LARP4B: variants seen among roughly 807,000 people sequenced by gnomAD.
LARP4B encodes La ribonucleoprotein 4B.
Under a neutral mutation model 89.8 loss-of-function variants are expected in LARP4B, and 12 were observed. The observed-to-expected ratio is 0.13, with a 90% confidence interval of 0.09 to 0.22. The LOEUF is 0.22. Among genes scored for constraint, LARP4B ranks in the 10% least tolerant of loss-of-function variants. The pLI is 1.00. For synonymous variants in LARP4B, 367 were observed against 363.3 expected (o/e 1.01, Z -0.12); for missense variants, 757 against 947.7 (o/e 0.80, Z 2.64).
Position 884,517 on chromosome 10 carries a change from G to C in LARP4B, c.82-11C>G. On this transcript the variant is annotated splice_polypyrimidine_tract_variant and intron_variant, in intron 2 of 17. Transcript: ENST00000316157. Reference sequence around the variant, plus strand: ...TATAGGACCATTCATCTGTAAAATTGAAAACAAAGACAACATCAGTACAAT... The same window carrying C: ...TATAGGACCATTCATCTGTAAAATTCAAAACAAAGACAACATCAGTACAAT... 1 of 1,571,492 alleles carries C rather than the reference G, an allele frequency of 6.4e-7. No individual in the cohort carries two copies. The highest frequency in any genetic ancestry group is 8.8e-7 in the Non-Finnish European group (1 of 1,142,132).
At chr10:896,966 C>A (rs1468301454) in intron 1 of LARP4B, among the ~76,000 whole-genome samples, 1 of 148,914 alleles carries the variant, frequency 6.7e-6, no homozygotes, top group Non-Finnish European at 1.5e-5. Context: ...TAATCCCTAT[C>A]AAAATTCACT....
In LARP4B at chr10:830,992, G is replaced by T; in HGVS notation, c.751-15C>A. The T allele has an allele frequency of 1.0e-6, 1 of 960,422 alleles. No homozygotes were observed. Among genetic ancestry groups the T allele is most frequent in the Non-Finnish European group, 1.6e-6 (1 of 619,226 alleles). The allele number at this position is 960,422 out of a possible 1,614,324, so 59.5% of individuals were successfully genotyped here. ...GCTTCTACTTCCTACAGGAAATAGA[G>T]ATGTTAGAAATTAATTCTCAACAAT... On this transcript the variant is annotated splice_polypyrimidine_tract_variant and intron_variant, in intron 8 of 17. Coordinates refer to ENST00000316157, the MANE Select transcript of LARP4B (RefSeq NM_015155.3).
At chr10:909,477 CTTACAAAAGTACTTT>C (rs1384270517) in intron 1 of LARP4B, among the ~76,000 whole-genome samples, 5 of 151,948 alleles carry the variant, frequency 3.3e-5, no homozygotes, top group South Asian at 2.1e-4. Flanking sequence ...AAAATTGTTA[CTTACAAAAGTACTTT>C]TTACAAAAGA....
intron 1 of LARP4B, among the ~76,000 whole-genome samples, chr10:897,950 TGCAC>T (rs1836235177): frequency 7.8e-6 from 1 of 127,670 alleles, no homozygotes; most frequent in South Asian, 2.4e-4. Flanking sequence ...ATCACGCCAC[TGCAC>T]TCCAGCCTGG....
intron 5 of LARP4B, among the ~76,000 whole-genome samples, chr10:863,516 C>A (rs898211812): frequency 4.6e-5 from 7 of 152,132 alleles, no homozygotes; most frequent in South Asian, 4.1e-4. Context: ...GGCGTGAGCC[C>A]CCGCGCCCGG....
intron 8 of LARP4B, among the ~76,000 whole-genome samples, chr10:831,433 G>A (rs542033627): frequency 2.3e-4 from 35 of 152,340 alleles, no homozygotes; most frequent in Admixed American, 1.4e-3. Flanking sequence ...CTGAACCCCA[G>A]CGTGAACACG....
chr10:901,345 G>T (rs1836339052), intron 1 of LARP4B, among the ~76,000 whole-genome samples: 1 of 152,204 alleles, frequency 6.6e-6, no homozygotes, highest in Non-Finnish European at 1.5e-5. Context: ...TTAGTTGGAT[G>T]ATATGGTTTA....
At chr10:813,367 A>G (rs1257326795) in intron 17 of LARP4B, among the ~76,000 whole-genome samples, 154 bp from the exon 18 acceptor site, 1 of 152,264 alleles carries the variant, frequency 6.6e-6, no homozygotes, top group Non-Finnish European at 1.5e-5. Flanking sequence ...ATAAAATCTA[A>G]TGATTTAGTT....
chr10:907,176 T>C (rs1239830840), intron 1 of LARP4B, among the ~76,000 whole-genome samples: 1 of 152,236 alleles, frequency 6.6e-6, no homozygotes, highest in Non-Finnish European at 1.5e-5. Context: ...GTCAGAAATA[T>C]GTCTACCCTG....
chr10:917,362 A>G (rs1836849557), intron 1 of LARP4B, among the ~76,000 whole-genome samples: 2 of 152,136 alleles, frequency 1.3e-5, no homozygotes. Context: ...ATTCATGAGT[A>G]CTCTTATTTT....
At chr10:986,351 AC>A in the LARP4B span, 1 of 152,244 alleles carries the variant, frequency 6.6e-6, no homozygotes, top group Non-Finnish European at 1.5e-5. Context: ...GCAGTCAGGA[AC>A]TGGCAATGTG....
At chr10:969,146 G>C in the LARP4B span, among the ~76,000 whole-genome samples, 1 of 152,176 alleles carries the variant, frequency 6.6e-6, no homozygotes. Context: ...GGATTGGATA[G>C]GATTTCAGGC....
Position 931,522 on chromosome 10 carries a change from G to T in LARP4B, c.-134C>A. On this transcript the variant is annotated 5_prime_UTR_variant, in exon 1 of 18. Transcript: ENST00000316157. The stretch of plus-strand genomic sequence containing the variant: ...CCGCGCCACACGCGGGGACGGCGAG[G>T]AGAGAGACGGCAGGGAGAGGCGGCG... 1 of 150,234 alleles carries T rather than the reference G, an allele frequency of 6.7e-6. No homozygotes were observed. Among genetic ancestry groups the T allele is most frequent in the South Asian group, 1.8e-4 (1 of 5,620 alleles). 9.3% of individuals were successfully genotyped at this position (150,234 alleles called of 1,614,324 possible).
At chr10:916,735 T>A (rs924968733) in intron 1 of LARP4B, among the ~76,000 whole-genome samples, 2 of 152,222 alleles carry the variant, frequency 1.3e-5, no homozygotes, top group African/African-American at 4.8e-5. Context: ...TCTTGCTCTG[T>A]TGTGCAGATT....
the LARP4B span, among the ~76,000 whole-genome samples, chr10:961,365 G>A: frequency 3.9e-5 from 6 of 152,198 alleles, no homozygotes; most frequent in Non-Finnish European, 8.8e-5. Flanking sequence ...TTCAGGTGAG[G>A]CCTCGGGAAG....
chr10:948,196 G>A, the LARP4B span, among the ~76,000 whole-genome samples: 10 of 152,206 alleles, frequency 6.6e-5, no homozygotes, highest in South Asian at 6.2e-4. Flanking sequence ...ACAAAGCCAC[G>A]CTGCCTGGTT....
chr10:888,285 G>A (rs1418260895), intron 1 of LARP4B, among the ~76,000 whole-genome samples: 3 of 150,840 alleles, frequency 2.0e-5, no homozygotes, highest in Admixed American at 6.6e-5. Flanking sequence ...TCACACCACG[G>A]CACTCCAGCC....
At chr10:896,975 C>T (rs574176056) in intron 1 of LARP4B, among the ~76,000 whole-genome samples, 26 of 148,802 alleles carry the variant, frequency 1.7e-4, no homozygotes, top group African/African-American at 5.7e-4. Flanking sequence ...TCAAAATTCA[C>T]TTTTGTGGGA....
chr10:834,988 C>T (rs1258289465), intron 8 of LARP4B, among the ~76,000 whole-genome samples: 2 of 147,288 alleles, frequency 1.4e-5, no homozygotes, highest in African/African-American at 5.1e-5. Flanking sequence ...TGCAGTGAGC[C>T]GAGATCGTGC....
Sources: gnomAD v4.1 joint callset for allele counts (sites outside exome capture counted in the v4.1 genomes callset) on GRCh38, gnomAD v4.1.1 for gene constraint, MANE v1.5 for transcripts, NCBI Gene and HGNC (gene_info 2026-07-23, HGNC 2026-07-21) for gene names.